USP25: variants seen among roughly 807,000 people sequenced by gnomAD.
The protein encoded by USP25 is ubiquitin carboxyl-terminal hydrolase 25.
In USP25, 85 loss-of-function variants were observed where a neutral mutation model predicts 158.5. That is an observed-to-expected ratio of 0.54 (90% CI 0.45 to 0.64). The LOEUF is 0.64. Among genes scored for constraint, USP25 ranks in the 30% least tolerant of loss-of-function variants. USP25 has a pLI of 0.00. For missense variants in USP25, 1,242 were observed against 1,327.3 expected, an observed-to-expected ratio of 0.94 and a Z score of 1.00; for synonymous variants, 464 against 460.4, an observed-to-expected ratio of 1.01 and a Z score of -0.10.
chr21:15,811,824 T>G (rs190084216), intron 9 of USP25, among the ~76,000 whole-genome samples: 181 of 152,258 alleles, frequency 1.2e-3, no homozygotes, highest in African/African-American at 3.8e-3. Flanking sequence ...GTAATAATAT[T>G]AGGTCCCAAA....
At chr21:15,782,598 T>A (rs2035029227) in intron 4 of USP25, among the ~76,000 whole-genome samples, 1 of 152,190 alleles carries the variant, frequency 6.6e-6, no homozygotes, top group Non-Finnish European at 1.5e-5. Context: ...AGTCATGGGC[T>A]TCTGCATACT....
intron 23 of USP25, among the ~76,000 whole-genome samples, chr21:15,871,735 T>G (rs901489855): frequency 1.3e-5 from 2 of 152,208 alleles, no homozygotes; most frequent in East Asian, 3.8e-4. Flanking sequence ...TTCAAATACA[T>G]ACTTATTCAG....
At chr21:15,730,490 T>C in intron 1 of USP25, 52 bp downstream of exon 1, 1 of 1,306,542 alleles carries the variant, frequency 7.7e-7, no homozygotes, top group Non-Finnish European at 9.8e-7. Context: ...CGACGGGCTG[T>C]CCTCTCCCGC....
At chr21:15,817,306 A>T (rs1269238599) in intron 9 of USP25, among the ~76,000 whole-genome samples, 1 of 152,068 alleles carries the variant, frequency 6.6e-6, no homozygotes, top group African/African-American at 2.4e-5. Flanking sequence ...CCTTGCATAT[A>T]TGTATAAATG....
intron 20 of USP25, among the ~76,000 whole-genome samples, chr21:15,852,971 T>G (rs2038954997): frequency 6.6e-6 from 1 of 152,156 alleles, no homozygotes; most frequent in Admixed American, 6.5e-5. Flanking sequence ...CTTAAAAATT[T>G]TTTCGTATAA....
At chr21:15,763,017 T>G in intron 2 of USP25, 49 bp downstream of exon 2, 1 of 1,509,416 alleles carries the variant, frequency 6.6e-7, no homozygotes, top group Non-Finnish European at 9.0e-7. Context: ...TGCTCATCTC[T>G]AGTGCGTATT....
intron 22 of USP25, 43 bp downstream of exon 22, chr21:15,866,387 C>G: frequency 7.2e-7 from 1 of 1,391,956 alleles, no homozygotes. Flanking sequence ...TTTAGGGATT[C>G]TGTAATTCAC....
intron 2 of USP25, among the ~76,000 whole-genome samples, chr21:15,763,430 C>G (rs1008153914): frequency 1.3e-5 from 2 of 152,084 alleles, no homozygotes; most frequent in African/African-American, 4.8e-5. Flanking sequence ...TAATTACACC[C>G]TAAGTTAAAC....
At chr21:15,765,929 T>TTGTATAAC (rs1415227970) in intron 2 of USP25, 68 bp from the exon 3 acceptor site, 1 of 1,505,506 alleles carries the variant, frequency 6.6e-7, no homozygotes, top group Non-Finnish European at 8.9e-7. Context: ...ATGGAGAATA[T>TTGTATAAC]TGTATAACTT....
intron 9 of USP25, 70 bp downstream of exon 9, chr21:15,811,280 T>A (rs2036648884): frequency 1.2e-5 from 17 of 1,393,016 alleles, no homozygotes; most frequent in Non-Finnish European, 1.7e-5. Context: ...TCTCGATAGT[T>A]ACTATTTTTT....
chr21:15,851,866 C>T (rs1053145188), intron 20 of USP25, among the ~76,000 whole-genome samples: 1 of 152,174 alleles, frequency 6.6e-6, no homozygotes, highest in South Asian at 2.1e-4. Context: ...GATCTCCTTT[C>T]ACCATCATTC....
intron 15 of USP25, among the ~76,000 whole-genome samples, chr21:15,830,975 G>A (rs1262778830): frequency 3.9e-5 from 6 of 152,084 alleles, no homozygotes; most frequent in African/African-American, 1.2e-4. Flanking sequence ...GATTTGGGAA[G>A]AAACTTAAGG....
At chr21:15,814,815 C>T (rs1157035898) in intron 9 of USP25, among the ~76,000 whole-genome samples, 1 of 152,130 alleles carries the variant, frequency 6.6e-6, no homozygotes, top group Non-Finnish European at 1.5e-5. Flanking sequence ...CCTGATGATC[C>T]AGTAGAGCAG....
intron 17 of USP25, among the ~76,000 whole-genome samples, chr21:15,839,216 A>C (rs562970315): frequency 1.4e-4 from 22 of 152,248 alleles, no homozygotes; most frequent in South Asian, 4.2e-4. Context: ...CGTGACTACA[A>C]CACCACTCAT....
intron 5 of USP25, among the ~76,000 whole-genome samples, chr21:15,791,955 A>G (rs576095075): frequency 1.3e-5 from 2 of 151,810 alleles, no homozygotes; most frequent in East Asian, 3.9e-4. Context: ...AGAGTTTTGT[A>G]TATATTTCCC....
chr21:15,846,135 TATATATATATATATATATA>T lies in USP25; in HGVS notation c.2338-1527_2338-1509del, dbSNP rs2038581338. Among the ~76,000 whole-genome samples, 6 of 48,444 alleles carry T rather than the reference TATATATATATATATATATA, an allele frequency of 1.2e-4. 1 individual carries two copies. In the South Asian group the frequency reaches 2.2e-3, roughly 18 times the overall value. 31.8% of individuals were successfully genotyped at this position (48,444 alleles called of 152,430 possible). A position where few individuals can be genotyped will look rare whatever the true frequency, so the allele number is the denominator to read the frequency against. On this transcript the variant is annotated intron_variant, in intron 18 of 25. Coordinates refer to ENST00000400183, the MANE Select transcript of USP25 (RefSeq NM_001283041.3). The stretch of plus-strand genomic sequence containing the variant: ...GTGTGTGTGTGTGTATATATATATA[TATATATATATATATATATA>T]TATATTTTTTTTTTTTTTTTTTTTT...
chr21:15,832,924 G>A (rs1008364187), intron 16 of USP25, among the ~76,000 whole-genome samples: 6 of 151,960 alleles, frequency 3.9e-5, no homozygotes, highest in East Asian at 1.9e-4. Flanking sequence ...AGGCTGAGGC[G>A]GGAGAATCGT....
At chr21:15,761,433 A>G (rs1256373639) in intron 1 of USP25, among the ~76,000 whole-genome samples, 1 of 152,212 alleles carries the variant, frequency 6.6e-6, no homozygotes, top group African/African-American at 2.4e-5. Flanking sequence ...CTCCCAATAG[A>G]TAGAAACACC....
intron 9 of USP25, among the ~76,000 whole-genome samples, chr21:15,817,346 T>G (rs1458246014): frequency 2.0e-5 from 3 of 152,180 alleles, no homozygotes; most frequent in African/African-American, 7.2e-5. Context: ...CTCTTTTCTG[T>G]ATTTTTACTT....
Sources: gnomAD v4.1 joint callset for allele counts (sites outside exome capture counted in the v4.1 genomes callset) on GRCh38, gnomAD v4.1.1 for gene constraint, MANE v1.5 for transcripts, NCBI Gene and HGNC (gene_info 2026-07-23, HGNC 2026-07-21) for gene names.